SOX5: variants seen among roughly 807,000 people sequenced by gnomAD.
SOX5 encodes the protein SRY-box transcription factor 5, also known as transcription factor SOX-5.
Under a neutral mutation model 92.0 loss-of-function variants are expected in SOX5, and 9 were observed. The observed-to-expected ratio is 0.10, with a 90% CI of 0.06 to 0.17. The LOEUF (loss-of-function observed/expected upper bound fraction) is 0.17. Among genes scored for constraint, SOX5 ranks in the 10% least tolerant of loss-of-function variants. The pLI is 1.00. For synonymous variants in SOX5, 344 were observed against 336.3 expected, an observed-to-expected ratio of 1.02 and a Z score of -0.25; for missense variants, 642 against 944.5, an observed-to-expected ratio of 0.68 and a Z score of 4.20.
intron 9 of SOX5, among the ~76,000 whole-genome samples, chr12:23,602,068 A>G (rs1458227827): frequency 6.6e-6 from 1 of 152,208 alleles, no homozygotes; most frequent in East Asian, 1.9e-4. Context: ...CTTAAACTTT[A>G]TATGATAGAA....
intron 4 of SOX5, among the ~76,000 whole-genome samples, chr12:24,186,953 G>C (rs904109292): frequency 6.6e-6 from 1 of 151,462 alleles, no homozygotes; most frequent in African/African-American, 2.4e-5. Flanking sequence ...AAAAGTAAAA[G>C]TAGGTGAAAA....
chr12:24,229,139 T>C (rs1962799314), intron 3 of SOX5, among the ~76,000 whole-genome samples: 2 of 152,228 alleles, frequency 1.3e-5, no homozygotes, highest in South Asian at 4.1e-4. Flanking sequence ...ACACGTTTTG[T>C]ACACGTGCTG....
At chr12:24,338,426 G>A (rs1310643104) in intron 2 of SOX5, among the ~76,000 whole-genome samples, 1 of 152,036 alleles carries the variant, frequency 6.6e-6, no homozygotes, top group Non-Finnish European at 1.5e-5. Context: ...AGAGAATAGG[G>A]GCGAAAAATA....
chr12:24,190,624 C>T (rs1026420544), intron 4 of SOX5, among the ~76,000 whole-genome samples: 6 of 152,124 alleles, frequency 3.9e-5, no homozygotes, highest in Admixed American at 6.5e-5. Context: ...CTCCGTGATT[C>T]GGATCATATT....
chr12:23,802,172 C>G (rs922734222), intron 3 of SOX5, among the ~76,000 whole-genome samples: 2 of 152,070 alleles, frequency 1.3e-5, no homozygotes, highest in Non-Finnish European at 2.9e-5. Context: ...CTCCCGGGTT[C>G]ATGCCATTCT....
chr12:24,258,806 A>G (rs920821864), intron 3 of SOX5, among the ~76,000 whole-genome samples: 1 of 152,240 alleles, frequency 6.6e-6, no homozygotes, highest in African/African-American at 2.4e-5. Flanking sequence ...TACTTTATAT[A>G]CATTAATTCA....
intron 1 of SOX5, among the ~76,000 whole-genome samples, chr12:23,924,033 T>G (rs376340104): frequency 6.6e-5 from 10 of 152,330 alleles, no homozygotes; most frequent in African/African-American, 2.4e-4. Flanking sequence ...TGAAAAACAT[T>G]GAGGGAGAAT....
chr12:23,984,257 C>T (rs1003549124), intron 4 of SOX5, among the ~76,000 whole-genome samples: 7 of 152,016 alleles, frequency 4.6e-5, no homozygotes, highest in African/African-American at 1.7e-4. Context: ...AAGTGAAAAC[C>T]CAATTTCAGC....
chr12:24,340,792 G>T (rs1485573237), intron 2 of SOX5, among the ~76,000 whole-genome samples: 1 of 152,150 alleles, frequency 6.6e-6, no homozygotes, highest in African/African-American at 2.4e-5. Context: ...TTTTAATACA[G>T]AGCTACACAC....
At chr12:24,502,327 G>A (rs545384774) in intron 1 of SOX5, among the ~76,000 whole-genome samples, 1 of 152,214 alleles carries the variant, frequency 6.6e-6, no homozygotes, top group South Asian at 2.1e-4. Context: ...AAAAGGAAAG[G>A]AGCACTTCAA....
At chr12:24,203,645 G>A (rs1472165924) in intron 4 of SOX5, among the ~76,000 whole-genome samples, 1 of 152,068 alleles carries the variant, frequency 6.6e-6, no homozygotes, top group African/African-American at 2.4e-5. Context: ...AATCCTAGGA[G>A]ACATTTGAAT....
At chr12:23,570,263 T>A (rs1232538594) in intron 10 of SOX5, among the ~76,000 whole-genome samples, 2 of 152,092 alleles carry the variant, frequency 1.3e-5, no homozygotes, top group Non-Finnish European at 2.9e-5. Context: ...AGGTAGACAA[T>A]TTTTTTATCT....
At chr12:24,231,867 T>A (rs1466087362) in intron 3 of SOX5, among the ~76,000 whole-genome samples, 2 of 152,232 alleles carry the variant, frequency 1.3e-5, no homozygotes, top group Non-Finnish European at 2.9e-5. Context: ...TATATCAAAG[T>A]ATTTTTTAAA....
intron 9 of SOX5, among the ~76,000 whole-genome samples, chr12:23,603,711 C>T (rs928312269): frequency 1.3e-5 from 2 of 151,784 alleles, no homozygotes; most frequent in Non-Finnish European, 2.9e-5. Flanking sequence ...TTGACTTTTC[C>T]CTGATCCTTT....
intron 1 of SOX5, among the ~76,000 whole-genome samples, chr12:24,464,849 G>C (rs1035223430): frequency 2.6e-5 from 4 of 152,182 alleles, no homozygotes; most frequent in African/African-American, 7.2e-5. Flanking sequence ...ACTTTCAAAG[G>C]AAACCATGTT....
At chr12:24,108,930 T>C (rs999642420) in intron 4 of SOX5, among the ~76,000 whole-genome samples, 20 of 152,158 alleles carry the variant, frequency 1.3e-4, no homozygotes, top group African/African-American at 4.3e-4. Flanking sequence ...ATCATTAACA[T>C]GATTTTTACT....
intron 1 of SOX5, among the ~76,000 whole-genome samples, chr12:23,948,627 A>G (rs900761145): frequency 6.6e-6 from 1 of 151,884 alleles, no homozygotes; most frequent in Non-Finnish European, 1.5e-5. Context: ...CACCATACAG[A>G]ATACAAAGTT....
intron 1 of SOX5, among the ~76,000 whole-genome samples, chr12:24,447,791 G>A (rs925529914): frequency 6.6e-6 from 1 of 152,102 alleles, no homozygotes; most frequent in Non-Finnish European, 1.5e-5. Context: ...TGGGCAAATG[G>A]GAGCCACAGC....
At chr12:23,607,928 T>C (rs946372471) in intron 8 of SOX5, among the ~76,000 whole-genome samples, 1 of 151,606 alleles carries the variant, frequency 6.6e-6, no homozygotes, top group Non-Finnish European at 1.5e-5. Context: ...GTCTAAAACA[T>C]CGGAAACAAA....
Sources: allele counts gnomAD v4.1 joint callset (sites outside exome capture counted in the v4.1 genomes callset), GRCh38; gene constraint gnomAD v4.1.1; transcripts MANE v1.5; gene names NCBI Gene and HGNC (gene_info 2026-07-23, HGNC 2026-07-21).